HUNK: variants seen among roughly 807,000 people sequenced by gnomAD.
HUNK encodes hormonally up-regulated Neu-associated kinase.
In HUNK, 21 loss-of-function variants were observed where a neutral mutation model predicts 61.0. The ratio of observed to expected loss-of-function variants is 0.34; its 90% CI spans 0.24 to 0.50. HUNK has a LOEUF of 0.50. HUNK is among the 20% of genes least tolerant of loss of function. The pLI is 0.98. For missense variants in HUNK, 772 were observed against 945.7 expected (o/e 0.82, Z 2.41); for synonymous variants, 371 against 386.1 (o/e 0.96, Z 0.46).
chr21:31,898,076 G>A (rs9976413), intron 1 of HUNK, among the ~76,000 whole-genome samples: 19,828 of 152,084 alleles, frequency 0.13, 1,536 homozygotes, highest in East Asian at 0.36. Flanking sequence ...TTAGACTCTG[G>A]AAACAGACTT....
rs774015902 is a variant in HUNK, at chr21:31,968,245, C to G, written c.875-5C>G. ...TGCGTGCATTCTTTCCCAAATGTCT[C>G]CCAGGTGCCATCAGTTTCCTGCGCT... On this transcript the variant is annotated splice_region_variant and splice_polypyrimidine_tract_variant and intron_variant, in intron 5 of 10. Coordinates refer to ENST00000270112, the MANE Select transcript of HUNK (RefSeq NM_014586.2). The G allele has an allele frequency of 6.2e-7, 1 of 1,614,160 alleles. No homozygotes were observed. Among genetic ancestry groups the G allele is most frequent in the Admixed American group, 1.7e-5 (1 of 60,016 alleles).
chr21:31,876,415 C>G (rs574512102), intron 1 of HUNK, among the ~76,000 whole-genome samples: 8 of 152,308 alleles, frequency 5.3e-5, no homozygotes, highest in Non-Finnish European at 8.8e-5. Flanking sequence ...AATCCAGCAC[C>G]TTTAATGCTT....
At chr21:31,882,989 C>T (rs1344175702) in intron 1 of HUNK, among the ~76,000 whole-genome samples, 8 of 151,968 alleles carry the variant, frequency 5.3e-5, no homozygotes, top group Admixed American at 2.6e-4. Context: ...CTTAACCATC[C>T]CTTGTTGATG....
chr21:31,873,710 G>A lies in HUNK; in HGVS notation c.36G>A (p.Glu12=). The A allele has an allele frequency of 8.6e-7, 1 of 1,169,510 alleles. No homozygotes were observed. The highest frequency in any genetic ancestry group is 1.1e-6 in the Non-Finnish European group (1 of 950,574). 72.4% of individuals were successfully genotyped at this position (1,169,510 alleles called of 1,614,324 possible). A position where few individuals can be genotyped will look rare whatever the true frequency, so the allele number is the denominator to read the frequency against. ...CGGCGGGGGACGGGCTCCTGGGGGA[G>A]CCGGCGGCGCCTGGGGGCGGCGGCG... ...PAAAGDGLLG[E]PAAPGGGGGA... Residue 12 remains glutamate (E), a synonymous_variant, in exon 1 of 11, where the codon GAG becomes GAA. Transcript: ENST00000270112. The surrounding 1 kb of genome is among the most constrained non-coding windows in gnomAD (Gnocchi z 6.1).
chr21:31,963,811 G>A (rs1366118342), intron 5 of HUNK, among the ~76,000 whole-genome samples: 1 of 152,152 alleles, frequency 6.6e-6, no homozygotes, highest in African/African-American at 2.4e-5. Flanking sequence ...ACTCATATAT[G>A]TAATGATCAT....
intron 1 of HUNK, among the ~76,000 whole-genome samples, chr21:31,887,196 A>G (rs2052353028): frequency 1.3e-5 from 2 of 152,174 alleles, no homozygotes; most frequent in African/African-American, 4.8e-5. Flanking sequence ...TAGGTATCTG[A>G]GTGACAGGTG....
At position 31,990,515 on chromosome 21, in the gene HUNK, C is replaced by A. The variant is rs549085519; in HGVS notation, c.1305+339C>A. The stretch of plus-strand genomic sequence containing the variant: ...GAAGTCTACTAATTTAAATGTTAAT[C>A]ACTTTATTTATTTATTTATTTATTT... On this transcript the variant is annotated intron_variant, in intron 9 of 10. Transcript: ENST00000270112. Among the ~76,000 whole-genome samples, 4 of 129,940 alleles carry A rather than the reference C, an allele frequency of 3.1e-5. No individual in the cohort carries two copies. The South Asian group carries it at 6.8e-4, about 22-fold the overall frequency. The allele number at this position is 129,940 out of a possible 152,430, so 85.2% of individuals were successfully genotyped here.
At chr21:31,985,136 T>G (rs1265011977) in intron 8 of HUNK, among the ~76,000 whole-genome samples, 1 of 152,150 alleles carries the variant, frequency 6.6e-6, no homozygotes, top group Non-Finnish European at 1.5e-5. Flanking sequence ...ACATGGGGAT[T>G]ATTACAATTC....
intron 1 of HUNK, among the ~76,000 whole-genome samples, chr21:31,923,815 G>T (rs989225125): frequency 6.6e-6 from 1 of 152,196 alleles, no homozygotes; most frequent in African/African-American, 2.4e-5. Flanking sequence ...TAGTAGAAAT[G>T]TGATCCTGAG....
intron 6 of HUNK, among the ~76,000 whole-genome samples, chr21:31,969,526 A>T (rs1253556886): frequency 1.3e-5 from 2 of 151,698 alleles, no homozygotes; most frequent in African/African-American, 2.4e-5. Flanking sequence ...ACGCTTCTCC[A>T]TGCTGGTGCG....
intron 5 of HUNK, among the ~76,000 whole-genome samples, chr21:31,966,674 A>G (rs548152681): frequency 1.3e-5 from 2 of 152,362 alleles, no homozygotes; most frequent in East Asian, 1.9e-4. Context: ...CTCAAGAACA[A>G]TGTTCAAATG....
intron 1 of HUNK, among the ~76,000 whole-genome samples, chr21:31,884,528 G>T (rs2052331858): frequency 6.6e-6 from 1 of 151,906 alleles, no homozygotes; most frequent in Admixed American, 6.6e-5. Flanking sequence ...GGAGGTGGAG[G>T]TTGCAGTGAG....
chr21:31,919,020 TGGACTGAGCGGTATGAGGAG>T (rs2052604684), intron 1 of HUNK, among the ~76,000 whole-genome samples: 4 of 139,426 alleles, frequency 2.9e-5, no homozygotes, highest in South Asian at 2.5e-4. Flanking sequence ...GAGGAGGGGC[TGGACTGAGCGGTATGAGGAG>T]GAGGGGCTGG....
At chr21:31,977,772 G>T (rs1227297452) in intron 7 of HUNK, among the ~76,000 whole-genome samples, 2 of 152,242 alleles carry the variant, frequency 1.3e-5, no homozygotes, top group South Asian at 2.1e-4. Flanking sequence ...GATCACTGGA[G>T]CCTCGACTTC....
At chr21:31,957,749 CAG>C (rs963405131) in intron 4 of HUNK, among the ~76,000 whole-genome samples, 4 of 152,236 alleles carry the variant, frequency 2.6e-5, no homozygotes, top group Non-Finnish European at 5.9e-5. Context: ...TAAGCTTACT[CAG>C]AAGGTATTTC....
At chr21:31,897,742 A>G (rs1601365089) in intron 1 of HUNK, among the ~76,000 whole-genome samples, 1 of 152,324 alleles carries the variant, frequency 6.6e-6, no homozygotes, top group East Asian at 1.9e-4. Flanking sequence ...AGAGCAAGAG[A>G]CAGGCAAAGG....
chr21:31,946,393 A>C (rs2052803532), intron 4 of HUNK, among the ~76,000 whole-genome samples: 2 of 152,102 alleles, frequency 1.3e-5, no homozygotes, highest in Admixed American at 6.5e-5. Flanking sequence ...GGTGCTGAGA[A>C]GAGAAGAAAA....
chr21:31,913,027 G>A (rs1016488567), intron 1 of HUNK, among the ~76,000 whole-genome samples: 2 of 152,192 alleles, frequency 1.3e-5, no homozygotes, highest in Non-Finnish European at 1.5e-5. Flanking sequence ...GCCCTGGTGG[G>A]ATTTTCCACA....
intron 5 of HUNK, among the ~76,000 whole-genome samples, chr21:31,966,734 A>G (rs2052969326): frequency 6.6e-6 from 1 of 152,236 alleles, no homozygotes; most frequent in Non-Finnish European, 1.5e-5. Context: ...TTCTCCTTGC[A>G]AAGAAGATTA....
Sources: allele counts gnomAD v4.1 joint callset (sites outside exome capture counted in the v4.1 genomes callset), GRCh38; gene constraint gnomAD v4.1.1; non-coding constraint Gnocchi (gnomAD v3.1); transcripts MANE v1.5; gene names NCBI Gene and HGNC (gene_info 2026-07-23, HGNC 2026-07-21).